CAMSAP1: variants seen among roughly 807,000 people sequenced by gnomAD.
CAMSAP1 encodes the protein calmodulin regulated spectrin associated protein 1, also known as calmodulin-regulated spectrin-associated protein 1.
A neutral mutation model predicts 143.5 loss-of-function variants in CAMSAP1; 58 were observed. The ratio of observed to expected loss-of-function variants is 0.40; its 90% CI spans 0.33 to 0.50. The LOEUF (loss-of-function observed/expected upper bound fraction) is 0.50, where lower values mean the gene tolerates loss of function less well. Ranked by LOEUF, CAMSAP1 falls within the 20% of genes least tolerant of loss-of-function variation. CAMSAP1 has a pLI of 0.45. For synonymous variants in CAMSAP1, 945 were observed against 859.3 expected, an observed-to-expected ratio of 1.10 and a Z score of -1.74; for missense variants, 1,969 against 2,115.7, an observed-to-expected ratio of 0.93 and a Z score of 1.36.
At chr9:135,850,793 A>AG (rs1407875584) in intron 5 of CAMSAP1, among the ~76,000 whole-genome samples, 1 of 152,194 alleles carries the variant, frequency 6.6e-6, no homozygotes, top group Non-Finnish European at 1.5e-5. Flanking sequence ...GTAGCGAGTA[A>AG]ATGTTGAGCC....
At chr9:135,825,128 CG>C (rs907891007) in intron 8 of CAMSAP1, among the ~76,000 whole-genome samples, 1 of 152,080 alleles carries the variant, frequency 6.6e-6, no homozygotes, top group Non-Finnish European at 1.5e-5. Context: ...CAGCTTCCCA[CG>C]GGAAAAGCAA....
intron 14 of CAMSAP1, chr9:135,817,705 G>T: frequency 7.8e-6 from 3 of 383,128 alleles, no homozygotes; most frequent in Non-Finnish European, 1.5e-5. Flanking sequence ...GGACTCCAAC[G>T]GACTCAAAAC....
chr9:135,899,611 A>C (rs1838558133), intron 1 of CAMSAP1, among the ~76,000 whole-genome samples: 1 of 152,092 alleles, frequency 6.6e-6, no homozygotes, highest in Non-Finnish European at 1.5e-5. Context: ...CACTCAAAGC[A>C]TTCTGCGCTC....
intron 1 of CAMSAP1, among the ~76,000 whole-genome samples, chr9:135,900,036 C>T (rs915025579): frequency 2.6e-4 from 40 of 152,244 alleles, no homozygotes; most frequent in South Asian, 2.1e-4. Flanking sequence ...GTAAGTTTAA[C>T]CTTTTTTGAG....
chr9:135,816,742 G>A (rs977351469), intron 14 of CAMSAP1, among the ~76,000 whole-genome samples: 1 of 152,184 alleles, frequency 6.6e-6, no homozygotes, highest in Non-Finnish European at 1.5e-5. Flanking sequence ...CACAGAGCAG[G>A]AGCCACACGC....
At chr9:135,813,946 C>T (rs1466664166) in intron 16 of CAMSAP1, among the ~76,000 whole-genome samples, 1 of 152,238 alleles carries the variant, frequency 6.6e-6, no homozygotes, top group Non-Finnish European at 1.5e-5. Context: ...AGGCCTAGCC[C>T]CGCCTCTGTC....
intron 3 of CAMSAP1, among the ~76,000 whole-genome samples, chr9:135,873,093 C>G (rs1391413443): frequency 6.6e-6 from 1 of 152,148 alleles, no homozygotes; most frequent in Non-Finnish European, 1.5e-5. Flanking sequence ...GACCCTAAGT[C>G]CCAATAAACT....
chr9:135,824,124 C>A lies in CAMSAP1; in HGVS notation c.1316-90G>T. 1 of 1,173,414 alleles carries A rather than the reference C, an allele frequency of 8.5e-7. No individual in the cohort carries two copies. Among genetic ancestry groups the A allele is most frequent in the Non-Finnish European group, 1.2e-6 (1 of 805,916 alleles). 72.7% of individuals were successfully genotyped at this position (1,173,414 alleles called of 1,614,324 possible). A position where few individuals can be genotyped will look rare whatever the true frequency, so the allele number is the denominator to read the frequency against. The stretch of plus-strand genomic sequence containing the variant: ...TATGACCATTTGTCCAGAAAAATGC[C>A]TCTCAAGTCAGTACACCAGAAGGGC... On this transcript the variant is annotated intron_variant, in intron 9 of 16. Transcript: ENST00000389532. The surrounding 1 kb of genome is among the most constrained non-coding windows in gnomAD (Gnocchi z 4.1).
At chr9:135,819,763 C>T (rs1037672058) in intron 11 of CAMSAP1, among the ~76,000 whole-genome samples, 3 of 151,316 alleles carry the variant, frequency 2.0e-5, no homozygotes, top group African/African-American at 7.3e-5. Flanking sequence ...AGAAGAATCG[C>T]TTGAACTCGG....
chr9:135,874,497 G>T (rs1837672828), intron 3 of CAMSAP1, among the ~76,000 whole-genome samples: 1 of 149,824 alleles, frequency 6.7e-6, no homozygotes, highest in Non-Finnish European at 1.5e-5. Context: ...GGGGCCACAG[G>T]GGCCGGGAAC....
At chr9:135,858,645 A>T (rs1482963474) in intron 5 of CAMSAP1, among the ~76,000 whole-genome samples, 1 of 152,252 alleles carries the variant, frequency 6.6e-6, no homozygotes, top group Non-Finnish European at 1.5e-5. Flanking sequence ...TGCTCACATG[A>T]TCACAAAGAC....
intron 5 of CAMSAP1, among the ~76,000 whole-genome samples, chr9:135,853,750 C>T (rs72771930): frequency 0.065 from 9,936 of 152,300 alleles, 467 homozygotes; most frequent in Middle Eastern, 0.15. Context: ...CACTACCTTC[C>T]TCTTGCCAGG....
intron 14 of CAMSAP1, among the ~76,000 whole-genome samples, chr9:135,816,805 G>A (rs772142807): frequency 2.6e-5 from 4 of 152,182 alleles, no homozygotes; most frequent in Non-Finnish European, 4.4e-5. Context: ...TTGCTCCCAC[G>A]AGAGCTGACA....
At chr9:135,901,793 C>G (rs959038700) in intron 1 of CAMSAP1, among the ~76,000 whole-genome samples, 1 of 152,154 alleles carries the variant, frequency 6.6e-6, no homozygotes, top group Non-Finnish European at 1.5e-5. Flanking sequence ...CGAACATCAT[C>G]AAAGAAATCC....
chr9:135,815,804 C>T (rs1382747718), intron 15 of CAMSAP1, 86 bp downstream of exon 15: 1 of 1,121,248 alleles, frequency 8.9e-7, no homozygotes, highest in Non-Finnish European at 1.3e-6. Context: ...CTTTTTAGAC[C>T]AAAATAGAGA....
intron 7 of CAMSAP1, among the ~76,000 whole-genome samples, chr9:135,830,644 GT>G (rs1468155726): frequency 6.6e-6 from 1 of 152,116 alleles, no homozygotes; most frequent in African/African-American, 2.4e-5. Context: ...ATATTTAACA[GT>G]AATAAAAACA....
At position 135,815,109 on chromosome 9, in the gene CAMSAP1, A is replaced by G; in HGVS notation, c.4494T>C (p.Asn1498=). ...ACATGATACTTGCCTCCAATATGGA[A>G]TTCTTGTGGGGTTCGTTCACTTTTC... The part of the protein sequence containing the change: ...LAGKVNEPHK[N]SILEELEKCD... Residue 1498 remains asparagine, a synonymous_variant, in exon 16 of 17, where the codon AAT becomes AAC. Coordinates refer to ENST00000389532, the MANE Select transcript of CAMSAP1 (RefSeq NM_015447.4). 1 of 1,610,990 alleles carries G rather than the reference A, an allele frequency of 6.2e-7. No individual in the cohort carries two copies. Among genetic ancestry groups the G allele is most frequent in the Non-Finnish European group, 8.5e-7 (1 of 1,177,442 alleles).
At position 135,823,244 on chromosome 9, in the gene CAMSAP1, T is replaced by G; in HGVS notation, c.1417A>C (p.Thr473Pro). ...GCAGCGTGATGTAGAGCAAAAGGTG[T>G]TGGCTGGGACGCAGGCCTGAAACAC... Reference protein sequence around the residue: ...EKKTRPASQPTPFALHHAASC... With the variant: ...EKKTRPASQPPPFALHHAASC... The change falls in exon 11 of 17, where the codon ACA (threonine) becomes CCA (proline). Residue 473 changes from threonine (T) to proline (P), a missense_variant. Coordinates refer to ENST00000389532, the MANE Select transcript of CAMSAP1 (RefSeq NM_015447.4). The G allele has an allele frequency of 6.4e-7, 1 of 1,553,032 alleles. No homozygotes were observed. The highest frequency in any genetic ancestry group is 8.7e-7 in the Non-Finnish European group (1 of 1,148,394).
rs531072110 is a variant in CAMSAP1 at position 135,832,497 on chromosome 9, G to A, written c.1046-4913C>T. 3.3e-5 allele frequency among the ~76,000 whole-genome samples: 5 copies of A among 152,296 alleles called. No individual in the cohort carries two copies. The South Asian group carries it at 1.0e-3, about 32-fold the overall frequency. On this transcript the variant is annotated intron_variant, in intron 7 of 16. Coordinates refer to ENST00000389532, the MANE Select transcript of CAMSAP1 (RefSeq NM_015447.4). ...GGAAAACTGAAAGCTTTTCCTCTAA[G>A]ATCTGGAACAAGACAAGGATGCCCA...
Sources: allele counts gnomAD v4.1 joint callset (sites outside exome capture counted in the v4.1 genomes callset), GRCh38; gene constraint gnomAD v4.1.1; non-coding constraint Gnocchi (gnomAD v3.1); transcripts MANE v1.5; gene names NCBI Gene and HGNC (gene_info 2026-07-23, HGNC 2026-07-21).